The following BCAS3 variants were observed in gnomAD, a reference collection of about 807,000 sequenced individuals.
BCAS3 encodes BCAS4/BCAS3 fusion.
BCAS3 carries 53 observed loss-of-function variants against 116.1 expected under a neutral mutation model. That is an observed-to-expected ratio of 0.46 (90% CI 0.37 to 0.57). The LOEUF is 0.57. BCAS3 is among the 20% of genes least tolerant of loss of function. The pLI, the probability that BCAS3 is intolerant of heterozygous loss-of-function variation, is 0.00. For missense variants in BCAS3, 917 were observed against 1,165.4 expected, an observed-to-expected ratio of 0.79 and a Z score of 3.10; for synonymous variants, 391 against 408.2, an observed-to-expected ratio of 0.96 and a Z score of 0.51.
intron 5 of BCAS3, among the ~76,000 whole-genome samples, chr17:60,735,589 G>A (rs1280195945): frequency 6.7e-6 from 1 of 150,360 alleles, no homozygotes. Flanking sequence ...GAGTAGCTGG[G>A]ACCACAGGTG....
rs775520726 is a variant in BCAS3 at position 61,235,756 on chromosome 17, G to A, written c.2426-132571G>A. Among the ~76,000 whole-genome samples, 39 of 151,794 alleles carry A rather than the reference G, an allele frequency of 2.6e-4. No individual in the cohort carries two copies. The highest frequency in any genetic ancestry group is 5.0e-4 in the Non-Finnish European group (34 of 67,984). ...GAAAGACAAGGGAAAAAAATGGTTA[G>A]GGAGGCTGCAAAAGAGATGTGGAGA... On this transcript the variant is annotated intron_variant, in intron 22 of 23. Transcript: ENST00000407086. This position sits in a 1 kb window ranked among gnomAD's most constrained non-coding sequence, Gnocchi z 5.0.
Position 61,363,638 on chromosome 17 carries a change from T to G in BCAS3, c.2426-4689T>G, listed in dbSNP as rs967336557. On this transcript the variant is annotated intron_variant, in intron 22 of 23. Coordinates refer to ENST00000407086, the MANE Select transcript of BCAS3 (RefSeq NM_017679.5). This position sits in a 1 kb window ranked among gnomAD's most constrained non-coding sequence, Gnocchi z 4.9. ...TGGACACTAACTAATATTTGATATATGTGTGAGTTAACTGAAATAGCAAAT... is the reference window on the plus strand; with the variant it reads ...TGGACACTAACTAATATTTGATATAGGTGTGAGTTAACTGAAATAGCAAAT... 5.3e-5 allele frequency among the ~76,000 whole-genome samples: 8 copies of G among 151,992 alleles called. No homozygotes were observed. The highest frequency in any genetic ancestry group is 1.0e-4 in the Non-Finnish European group (7 of 68,016).
chr17:61,298,544 C>G (rs2053144357), intron 22 of BCAS3, among the ~76,000 whole-genome samples: 1 of 152,208 alleles, frequency 6.6e-6, no homozygotes, highest in South Asian at 2.1e-4. Flanking sequence ...CATCATCACT[C>G]TCCGTGTGAG....
In BCAS3 at chr17:60,851,373, G is replaced by A. The variant is rs956860386; in HGVS notation, c.477-17203G>A. ...CAGGCACCTGGCACACGTCCTCCCC[G>A]CCACCAGGATGCCCGAGAGGAAGGT... On this transcript the variant is annotated intron_variant, in intron 7 of 23. Coordinates refer to ENST00000407086, the MANE Select transcript of BCAS3 (RefSeq NM_017679.5). 1.9e-5 allele frequency: 7 copies of A among 362,744 alleles called. No individual in the cohort carries two copies. The East Asian group carries it at 2.6e-4, about 13-fold the overall frequency. The allele number at this position is 362,744 out of a possible 1,614,324, so 22.5% of individuals were successfully genotyped here.
intron 22 of BCAS3, among the ~76,000 whole-genome samples, chr17:61,280,377 A>G (rs1052851192): frequency 7.2e-5 from 11 of 152,222 alleles, no homozygotes; most frequent in African/African-American, 2.2e-4. Flanking sequence ...ATTGTTTCTT[A>G]AAGTCCAAGA....
chr17:61,297,691 C>T (rs188480030), intron 22 of BCAS3, among the ~76,000 whole-genome samples: 1 of 152,026 alleles, frequency 6.6e-6, no homozygotes, highest in African/African-American at 2.4e-5. Context: ...TGGGCAGAGT[C>T]AAAATGAAGC....
In BCAS3 at chr17:60,798,076, C is replaced by G. The variant is rs983659855; in HGVS notation, c.404-9928C>G. On this transcript the variant is annotated intron_variant, in intron 6 of 23. Transcript: ENST00000407086. ...AAACACACAGAGTTTCTGTATACCC[C>G]TGACCCTGCCCAGGCACTACCTCTT... 1.4e-3 allele frequency among the ~76,000 whole-genome samples: 213 copies of G among 152,296 alleles called. 1 individual carries two copies. Among genetic ancestry groups the G allele is most frequent in the South Asian group, 2.1e-4 (1 of 4,820 alleles).
chr17:61,206,207 T>G (rs2081113005), intron 22 of BCAS3, among the ~76,000 whole-genome samples: 1 of 152,096 alleles, frequency 6.6e-6, no homozygotes, highest in South Asian at 2.1e-4. Flanking sequence ...CAGATTGAGA[T>G]GTATGGGGTG....
intron 22 of BCAS3, among the ~76,000 whole-genome samples, chr17:61,350,746 T>G (rs960811590): frequency 4.0e-5 from 6 of 151,460 alleles, no homozygotes; most frequent in Admixed American, 6.6e-5. Flanking sequence ...GATCCTCCCA[T>G]CTCAGCCTCC....
intron 14 of BCAS3, 128 bp from the exon 15 acceptor site, chr17:60,989,843 A>G (rs1390234418): frequency 9.8e-7 from 1 of 1,015,670 alleles, no homozygotes; most frequent in Non-Finnish European, 1.5e-6. Context: ...ATTTTTATTT[A>G]TTACCTGATC....
chr17:60,785,759 C>G (rs1400706278), intron 6 of BCAS3, among the ~76,000 whole-genome samples: 2 of 152,194 alleles, frequency 1.3e-5, no homozygotes, highest in East Asian at 3.8e-4. Flanking sequence ...AATAAAAAAT[C>G]TCTGCTGTAT....
At chr17:60,954,532 G>T (rs2061019933) in intron 14 of BCAS3, among the ~76,000 whole-genome samples, 1 of 152,146 alleles carries the variant, frequency 6.6e-6, no homozygotes, top group African/African-American at 2.4e-5. Flanking sequence ...AGCATTGAAT[G>T]ACTTTTCTAA....
At chr17:60,767,387 C>G (rs1248460349) in intron 6 of BCAS3, among the ~76,000 whole-genome samples, 1 of 144,898 alleles carries the variant, frequency 6.9e-6, no homozygotes, top group African/African-American at 2.7e-5. Context: ...CTCTGTCACC[C>G]AGGCTGGAGT....
At chr17:60,759,743 C>T (rs141812519) in intron 6 of BCAS3, among the ~76,000 whole-genome samples, 3 of 152,072 alleles carry the variant, frequency 2.0e-5, no homozygotes, top group East Asian at 3.9e-4. Context: ...TAGCTCACTG[C>T]CACCTTGAAC....
At chr17:60,816,910 A>G (rs2049475465) in intron 7 of BCAS3, among the ~76,000 whole-genome samples, 1 of 152,208 alleles carries the variant, frequency 6.6e-6, no homozygotes, top group African/African-American at 2.4e-5. Context: ...TATAGCAGGC[A>G]GTTTCAGCAG....
At chr17:60,907,753 T>C (rs2058262607) in intron 11 of BCAS3, among the ~76,000 whole-genome samples, 1 of 152,170 alleles carries the variant, frequency 6.6e-6, no homozygotes, top group Admixed American at 6.5e-5. Context: ...AGGTTATACT[T>C]CTCTATTCCT....
chr17:61,166,641 G>A (rs549201623), intron 22 of BCAS3, among the ~76,000 whole-genome samples: 6 of 151,516 alleles, frequency 4.0e-5, no homozygotes, highest in South Asian at 2.1e-4. Flanking sequence ...CAAGTGATCC[G>A]CCTGCCTTGC....
intron 22 of BCAS3, among the ~76,000 whole-genome samples, chr17:61,123,244 C>G (rs575453287): frequency 1.3e-5 from 2 of 152,124 alleles, no homozygotes; most frequent in Non-Finnish European, 1.5e-5. Flanking sequence ...CACCCAGCCA[C>G]TGGGTAAGTC....
intron 22 of BCAS3, among the ~76,000 whole-genome samples, chr17:61,206,517 G>T (rs930575057): frequency 6.6e-6 from 1 of 151,846 alleles, no homozygotes; most frequent in Admixed American, 6.6e-5. Flanking sequence ...TTGTGAGGGG[G>T]GACCAAGCAC....
Sources: allele counts gnomAD v4.1 joint callset (sites outside exome capture counted in the v4.1 genomes callset), GRCh38; gene constraint gnomAD v4.1.1; non-coding constraint Gnocchi (gnomAD v3.1); transcripts MANE v1.5; gene names NCBI Gene and HGNC (gene_info 2026-07-23, HGNC 2026-07-21).